The following RBFOX1 variants were observed in gnomAD, a reference collection of about 807,000 sequenced individuals.
RBFOX1 encodes the protein RNA binding fox-1 homolog 1, also known as RNA binding protein fox-1 homolog 1.
A neutral mutation model predicts 57.7 loss-of-function variants in RBFOX1; 8 were observed. The observed-to-expected ratio is 0.14, with a 90% CI of 0.08 to 0.25. The LOEUF is 0.25. Among genes scored for constraint, RBFOX1 ranks in the 10% least tolerant of loss-of-function variants. RBFOX1 has a pLI of 1.00. For missense variants in RBFOX1, 611 were observed against 548.5 expected, an observed-to-expected ratio of 1.11 and a Z score of -1.14; for synonymous variants, 326 against 222.4, an observed-to-expected ratio of 1.47 and a Z score of -4.15.
intron 1 of RBFOX1, among the ~76,000 whole-genome samples, chr16:6,113,059 T>C (rs1395837509): frequency 1.3e-5 from 2 of 152,156 alleles, no homozygotes; most frequent in African/African-American, 4.8e-5. Flanking sequence ...GTTCCTCAGA[T>C]AACTTTGCTT....
At chr16:6,315,983 T>A (rs532608890) in intron 1 of RBFOX1, among the ~76,000 whole-genome samples, 1 of 152,332 alleles carries the variant, frequency 6.6e-6, no homozygotes, top group South Asian at 2.1e-4. Flanking sequence ...GGGTATATTG[T>A]CTAAACATAT....
rs371739312 is a variant in RBFOX1 at position 7,261,170 on chromosome 16, C to G, written c.27+209072C>G. ...ACCCACTAGAGCTCCAGCCGCAGTTCTTGCTTGTTTTGGCTGTGTGAATTT... is the reference window on the plus strand; with the variant it reads ...ACCCACTAGAGCTCCAGCCGCAGTTGTTGCTTGTTTTGGCTGTGTGAATTT... On this transcript the variant is annotated intron_variant, in intron 4 of 15. Coordinates refer to ENST00000550418, the MANE Select transcript of RBFOX1 (RefSeq NM_018723.4). 1.1e-4 allele frequency among the ~76,000 whole-genome samples: 16 copies of G among 152,194 alleles called. No homozygotes were observed. In the East Asian group the frequency reaches 2.3e-3, roughly 22 times the overall value.
chr16:6,245,820 A>G (rs1482404940), intron 1 of RBFOX1, among the ~76,000 whole-genome samples: 1 of 152,184 alleles, frequency 6.6e-6, no homozygotes, highest in African/African-American at 2.4e-5. Flanking sequence ...ACTACACTGT[A>G]ATTCCATTCC....
chr16:6,156,992 G>C (rs1300342307), intron 1 of RBFOX1, among the ~76,000 whole-genome samples: 2 of 151,890 alleles, frequency 1.3e-5, no homozygotes, highest in Non-Finnish European at 2.9e-5. Context: ...GGTGGGCAGT[G>C]ACTAATTGTT....
intron 2 of RBFOX1, among the ~76,000 whole-genome samples, chr16:6,532,524 C>G (rs184863791): frequency 1.3e-5 from 2 of 152,254 alleles, no homozygotes; most frequent in African/African-American, 4.8e-5. Context: ...GGCTGTGCTC[C>G]TTCCTCTGTA....
At chr16:5,854,051 A>G (rs559422791) in intron 3 of RBFOX1, among the ~76,000 whole-genome samples, 4 of 152,366 alleles carry the variant, frequency 2.6e-5, no homozygotes, top group East Asian at 3.9e-4. Context: ...TTATTGAGGC[A>G]GACTTGACAA....
At chr16:6,754,960 T>C (rs1051588703) in intron 3 of RBFOX1, among the ~76,000 whole-genome samples, 5 of 151,946 alleles carry the variant, frequency 3.3e-5, no homozygotes, top group African/African-American at 4.8e-5. Context: ...CGGTGTTTGG[T>C]TTTTTGTTCT....
intron 2 of RBFOX1, among the ~76,000 whole-genome samples, chr16:6,325,550 G>T (rs1341473766): frequency 2.0e-5 from 3 of 152,146 alleles, no homozygotes; most frequent in Non-Finnish European, 4.4e-5. Context: ...TCTGCTTGCT[G>T]TCTCAGCTCA....
chr16:7,344,759 G>C lies in RBFOX1; in HGVS notation c.28-173388G>C, dbSNP rs530433867. ...TCATTCTTAGGACTGGGGAAGGGCA[G>C]ACCAGCCAGGTGTCTGGCTGCAGAG... On this transcript the variant is annotated intron_variant, in intron 4 of 15. Coordinates refer to ENST00000550418, the MANE Select transcript of RBFOX1 (RefSeq NM_018723.4). Among the ~76,000 whole-genome samples, 5 of 152,298 alleles carry C rather than the reference G, an allele frequency of 3.3e-5. No homozygotes were observed. In the South Asian group the frequency reaches 1.0e-3, roughly 32 times the overall value.
chr16:7,433,735 C>G (rs1371111256), intron 4 of RBFOX1, among the ~76,000 whole-genome samples: 2 of 152,196 alleles, frequency 1.3e-5, no homozygotes, highest in Non-Finnish European at 2.9e-5. Context: ...CCCATCCACC[C>G]AACCACCCAT....
intron 4 of RBFOX1, among the ~76,000 whole-genome samples, chr16:7,100,924 GA>G (rs1255334636): frequency 2.0e-5 from 3 of 152,116 alleles, no homozygotes; most frequent in African/African-American, 7.2e-5. Context: ...AAGTACAAGG[GA>G]TTTTTTTTAA....
chr16:5,517,491 T>C (rs182016172), intron 2 of RBFOX1, among the ~76,000 whole-genome samples: 2 of 152,322 alleles, frequency 1.3e-5, no homozygotes, highest in East Asian at 3.9e-4. Context: ...ATGTACTAAT[T>C]CTAAAATCCC....
intron 2 of RBFOX1, among the ~76,000 whole-genome samples, chr16:6,641,060 C>T (rs781265930): frequency 1.2e-4 from 19 of 152,134 alleles, no homozygotes; most frequent in South Asian, 4.1e-4. Flanking sequence ...CCCACTTTCC[C>T]GATCTTCACT....
chr16:6,183,584 G>C (rs1023982875), intron 1 of RBFOX1, among the ~76,000 whole-genome samples: 5 of 152,016 alleles, frequency 3.3e-5, no homozygotes, highest in Non-Finnish European at 5.9e-5. Flanking sequence ...TATGAGAGAG[G>C]GGTCTGGGAA....
At chr16:5,494,047 A>C (rs2042920143) in intron 2 of RBFOX1, among the ~76,000 whole-genome samples, 1 of 152,152 alleles carries the variant, frequency 6.6e-6, no homozygotes, top group Non-Finnish European at 1.5e-5. Flanking sequence ...TTCTTAATGG[A>C]GCAGGAGGTG....
chr16:5,731,932 G>A (rs1180476313), intron 3 of RBFOX1, among the ~76,000 whole-genome samples: 1 of 152,152 alleles, frequency 6.6e-6, no homozygotes, highest in Non-Finnish European at 1.5e-5. Context: ...GGTGTTTAAT[G>A]GAAGGTCCTC....
At chr16:5,355,327 G>T (rs554525866) in intron 1 of RBFOX1, among the ~76,000 whole-genome samples, 1 of 152,178 alleles carries the variant, frequency 6.6e-6, no homozygotes, top group Non-Finnish European at 1.5e-5. Context: ...GGGACTATGG[G>T]CCGGGAGAGA....
At chr16:6,180,319 C>T (rs1477520479) in intron 1 of RBFOX1, among the ~76,000 whole-genome samples, 2 of 151,872 alleles carry the variant, frequency 1.3e-5, no homozygotes, top group Non-Finnish European at 2.9e-5. Context: ...TAGGCTTATT[C>T]AGATTTTCTA....
In RBFOX1 at chr16:6,917,513, ACT is replaced by A. The variant is rs373182499; in HGVS notation, c.-15-134541_-15-134540del. 2.2e-3 allele frequency among the ~76,000 whole-genome samples: 330 copies of A among 152,276 alleles called. 1 individual carries two copies. The highest frequency in any genetic ancestry group is 7.5e-3 in the African/African-American group (312 of 41,540). Reference sequence around the variant, plus strand: ...TGAAAGGAAGAGAGTTGGTAGAAACACTCTGTCCAAAGGAAGATCAATGCTAA... The same window carrying A: ...TGAAAGGAAGAGAGTTGGTAGAAACACTGTCCAAAGGAAGATCAATGCTAA... On this transcript the variant is annotated intron_variant, in intron 3 of 15. Transcript: ENST00000550418.
Sources: allele counts gnomAD v4.1 joint callset (sites outside exome capture counted in the v4.1 genomes callset), GRCh38; gene constraint gnomAD v4.1.1; transcripts MANE v1.5; gene names NCBI Gene and HGNC (gene_info 2026-07-23, HGNC 2026-07-21).